Variants in ABCA9 observed in about 807,000 individuals in gnomAD.
ABCA9 encodes the protein ATP binding cassette subfamily A member 9.
A neutral mutation model predicts 205.3 loss-of-function variants in ABCA9; 183 were observed. The ratio of observed to expected loss-of-function variants is 0.89; its 90% CI spans 0.79 to 1.01. ABCA9 has a LOEUF of 1.01. Among genes scored for constraint, ABCA9 ranks in the 50% least tolerant of loss-of-function variants. The pLI is 0.00. For missense variants in ABCA9, 1,805 were observed against 1,912.4 expected (o/e 0.94, Z 1.05); for synonymous variants, 651 against 683.3 (o/e 0.95, Z 0.74).
chr17:69,035,829 G>T, intron 6 of ABCA9, 28 bp from the exon 7 acceptor site: 2 of 1,596,386 alleles, frequency 1.3e-6, no homozygotes, highest in South Asian at 2.3e-5. Context: ...CCGTCAGTTA[G>T]AATGTTGTTA....
intron 8 of ABCA9, 142 bp from the exon 9 acceptor site, chr17:69,034,015 A>T: frequency 4.6e-6 from 3 of 652,708 alleles, no homozygotes; most frequent in Non-Finnish European, 5.0e-6. Context: ...ACTATTATAG[A>T]AGACAATTTT....
intron 19 of ABCA9, chr17:69,020,062 T>G (rs2070762832): frequency 4.7e-6 from 1 of 213,926 alleles, no homozygotes; most frequent in African/African-American, 2.3e-5. Context: ...AGCTACAGAT[T>G]TTGATACCTT....
At chr17:68,992,010 A>T (rs2069468298) in intron 28 of ABCA9, among the ~76,000 whole-genome samples, 165 bp downstream of exon 28, 1 of 152,140 alleles carries the variant, frequency 6.6e-6, no homozygotes, top group Non-Finnish European at 1.5e-5. Flanking sequence ...CTAGATTGTA[A>T]GCTCAGTATA....
intron 25 of ABCA9, among the ~76,000 whole-genome samples, chr17:69,003,383 G>T (rs2069966449): frequency 6.8e-6 from 1 of 146,462 alleles, no homozygotes; most frequent in Admixed American, 6.8e-5. Flanking sequence ...ATGAAGCTTA[G>T]TTTGGCTGGA....
intron 25 of ABCA9, among the ~76,000 whole-genome samples, chr17:68,997,953 T>C (rs1273965339): frequency 6.6e-6 from 1 of 152,220 alleles, no homozygotes; most frequent in Non-Finnish European, 1.5e-5. Context: ...CCTCACTCCC[T>C]ATGACCCCTG....
intron 37 of ABCA9, among the ~76,000 whole-genome samples, chr17:68,976,736 A>AATGGT (rs568881957): frequency 2.6e-5 from 4 of 152,350 alleles, no homozygotes; most frequent in African/African-American, 9.6e-5. Flanking sequence ...TGGACCTAAG[A>AATGGT]ATGGTAACAC....
Position 69,027,398 on chromosome 17 carries a change from C to G in ABCA9, c.1843G>C (p.Ala615Pro). Reference protein sequence around the residue: ...LEMENIQDILAQNLSGGQNRK... With the variant: ...LEMENIQDILPQNLSGGQNRK... ...TTTTGTCCACCACTTAAGTTTTGAG[C>G]AAGGATGTCTTGAATATTTTCCATT... is the stretch of plus-strand genomic sequence containing the variant. Residue 615 changes from alanine to proline, a missense_variant, in exon 14 of 39, where the codon GCT becomes CCT. Physicochemically the swap from Ala to Pro is conservative, Grantham distance 27 (BLOSUM62 -1). Coordinates refer to ENST00000340001, the MANE Select transcript of ABCA9 (RefSeq NM_080283.4). 2 of 1,613,016 alleles carry G rather than the reference C, an allele frequency of 1.2e-6. No individual in the cohort carries two copies. Among genetic ancestry groups the G allele is most frequent in the Non-Finnish European group, 1.7e-6 (2 of 1,179,426 alleles).
chr17:69,041,711 TAAAAAA>T (rs5821697), intron 6 of ABCA9, among the ~76,000 whole-genome samples: 5 of 151,502 alleles, frequency 3.3e-5, no homozygotes, highest in African/African-American at 1.2e-4. Context: ...CTCAAAAAAA[TAAAAAA>T]AAAGAAAGAA....
intron 4 of ABCA9, among the ~76,000 whole-genome samples, chr17:69,044,824 C>A (rs140812991): frequency 1.6e-4 from 24 of 152,238 alleles, no homozygotes; most frequent in Non-Finnish European, 2.9e-4. Flanking sequence ...TTTTATAATT[C>A]TTTCCATTGG....
rs1454331939 is a variant in ABCA9, at chr17:69,016,310, T to C, written c.2982A>G (p.Leu994=). 1.7e-5 allele frequency: 27 copies of C among 1,602,302 alleles called. No individual in the cohort carries two copies. Among genetic ancestry groups the C allele is most frequent in the Non-Finnish European group, 2.3e-5 (27 of 1,175,740 alleles). Residue 994 remains leucine, a synonymous_variant, in exon 22 of 39, where the codon CTA becomes CTG. Transcript: ENST00000340001. ...GTTCTGACGAATTAAAAATTCCAAG[T>C]AGTCCATTGCTAATGACATCCAGGA... ...PVLLDVISNG[L]LGIFNSSEHI... is the part of the protein sequence containing the mutation.
intron 7 of ABCA9, 92 bp downstream of exon 7, chr17:69,035,568 A>G: frequency 6.6e-7 from 1 of 1,510,698 alleles, no homozygotes; most frequent in Non-Finnish European, 8.9e-7. Context: ...TACAAAGAGA[A>G]CAAAAGAGGT....
chr17:69,008,973 A>C (rs2070268566), intron 23 of ABCA9, among the ~76,000 whole-genome samples: 1 of 152,238 alleles, frequency 6.6e-6, no homozygotes, highest in South Asian at 2.1e-4. Context: ...AAAAACTGGA[A>C]TGCAAATAAT....
the ABCA9 span, among the ~76,000 whole-genome samples, chr17:69,076,757 G>C: frequency 6.6e-6 from 1 of 152,072 alleles, no homozygotes; most frequent in Non-Finnish European, 1.5e-5. Context: ...GTGTTTCCAG[G>C]AATTTATCCA....
In ABCA9 at chr17:69,043,639, G is replaced by A. The variant is rs1344315719; in HGVS notation, c.650C>T (p.Ala217Val). 6.2e-7 allele frequency: 1 copy of A among 1,613,608 alleles called. No homozygotes were observed. Among genetic ancestry groups the A allele is most frequent in the Non-Finnish European group, 8.5e-7 (1 of 1,179,842 alleles). The change falls in exon 6 of 39, where the codon GCC becomes GTC. Residue 217 changes from alanine to valine, a missense_variant. Coordinates refer to ENST00000340001, the MANE Select transcript of ABCA9 (RefSeq NM_080283.4). ...GVHMKILPFV[A>V]QGGVATDFFI... Reference sequence around the variant, plus strand: ...AAAATCAGTTGCAACTCCTCCTTGGGCAACAAAAGGTAATATCTTCATATG... The same window carrying A: ...AAAATCAGTTGCAACTCCTCCTTGGACAACAAAAGGTAATATCTTCATATG...
intron 38 of ABCA9, 44 bp from the exon 39 acceptor site, chr17:68,976,057 C>T (rs2068884227): frequency 6.2e-7 from 1 of 1,604,682 alleles, no homozygotes; most frequent in East Asian, 2.2e-5. Context: ...CAATGCCATA[C>T]TGCCTCCTGC....
At chr17:69,028,173 T>A (rs920621904) in intron 12 of ABCA9, among the ~76,000 whole-genome samples, 3 of 152,144 alleles carry the variant, frequency 2.0e-5, no homozygotes, top group African/African-American at 7.2e-5. Flanking sequence ...ACCAATTACA[T>A]AATTTTTTTT....
chr17:69,063,704 C>T (rs948879608), upstream of ABCA9, among the ~76,000 whole-genome samples: 3 of 152,080 alleles, frequency 2.0e-5, no homozygotes, highest in South Asian at 2.1e-4. Context: ...TCCCAAGTAG[C>T]TGGAACTACA....
chr17:69,012,841 G>A (rs2070431972), intron 22 of ABCA9, among the ~76,000 whole-genome samples: 1 of 151,992 alleles, frequency 6.6e-6, no homozygotes, highest in Non-Finnish European at 1.5e-5. Flanking sequence ...CATTCTTTCT[G>A]TATCTATTTT....
chr17:69,025,989 A>G (rs2144326930), intron 16 of ABCA9, among the ~76,000 whole-genome samples: 1 of 152,304 alleles, frequency 6.6e-6, no homozygotes, highest in Admixed American at 6.5e-5. Context: ...AGTAAGAGAA[A>G]AAAACCACAA....
Sources: allele counts gnomAD v4.1 joint callset (sites outside exome capture counted in the v4.1 genomes callset), GRCh38; gene constraint gnomAD v4.1.1; transcripts MANE v1.5; gene names NCBI Gene and HGNC (gene_info 2026-07-23, HGNC 2026-07-21).